Variants in ORC6 observed in about 807,000 individuals in gnomAD.
The protein encoded by ORC6 is origin recognition complex, subunit 6 homolog-like (yeast).
ORC6 carries 31 observed loss-of-function variants against 30.0 expected under a neutral mutation model. The observed-to-expected ratio is 1.03, with a 90% confidence interval of 0.78 to 1.40. The LOEUF is 1.40. Ranked by LOEUF, ORC6 falls within the 40% of genes most tolerant of loss-of-function variation. ORC6 has a pLI of 0.00. For missense variants in ORC6, 340 were observed against 304.3 expected, an observed-to-expected ratio of 1.12 and a Z score of -0.87; for synonymous variants, 136 against 111.2, an observed-to-expected ratio of 1.22 and a Z score of -1.40.
Position 46,695,574 on chromosome 16 carries a change from G to T in ORC6, c.462G>T (p.Leu154=). The T allele has an allele frequency of 6.2e-7, 1 of 1,611,144 alleles. No individual in the cohort carries two copies. ...AATTGTTTTGTAGGATTCTAAAGCT[G>T]AAAGTGGATAAAAACAAAATGGTAG... The part of the protein sequence containing the change: ...ALLSACKILK[L]KVDKNKMVAT... The change falls in exon 5 of 7, where the codon CTG becomes CTT. Residue 154 remains leucine (L), a synonymous_variant. Transcript: ENST00000219097.
chr16:46,689,695 G>A lies in ORC6; in HGVS notation c.-11G>A. The A allele has an allele frequency of 1.9e-6, 3 of 1,598,340 alleles. No homozygotes were observed. The highest frequency in any genetic ancestry group is 2.6e-6 in the Non-Finnish European group (3 of 1,172,294). ...GCGTTCACGGGAATTGTTCGCTTTAGTGCCGGCGCCATGGGGTCGGAGCTG... is the reference window on the plus strand; with the variant it reads ...GCGTTCACGGGAATTGTTCGCTTTAATGCCGGCGCCATGGGGTCGGAGCTG... On this transcript the variant is annotated 5_prime_UTR_variant, in exon 1 of 7. The change creates a new upstream start codon in the 5' untranslated region. Coordinates refer to ENST00000219097, the MANE Select transcript of ORC6 (RefSeq NM_014321.4).
chr16:46,691,832 T>C (rs183219040), intron 2 of ORC6, among the ~76,000 whole-genome samples: 86 of 152,242 alleles, frequency 5.6e-4, no homozygotes, highest in Admixed American at 1.3e-3. Flanking sequence ...CTTGCCTTAT[T>C]GTTACATTGA....
intron 6 of ORC6, among the ~76,000 whole-genome samples, 189 bp from the exon 7 acceptor site, chr16:46,697,268 TG>T (rs1325616285): frequency 6.6e-6 from 1 of 152,188 alleles, no homozygotes; most frequent in Non-Finnish European, 1.5e-5. Flanking sequence ...GAGGATCATT[TG>T]AACCTAGGAA....
In ORC6 at chr16:46,693,189, A is replaced by G; in HGVS notation, c.449+7A>G. 6.3e-7 allele frequency: 1 copy of G among 1,588,054 alleles called. No individual in the cohort carries two copies. On this transcript the variant is annotated splice_region_variant and intron_variant, in intron 4 of 6. Transcript: ENST00000219097. ...CACTGCTTTCAGCATGCAAGTAGGT[A>G]TTTCATTAAACATTCAGAAAAGTTA...
chr16:46,697,710 T>C lies in ORC6; in HGVS notation c.*125T>C. On this transcript the variant is annotated 3_prime_UTR_variant, in exon 7 of 7. Coordinates refer to ENST00000219097, the MANE Select transcript of ORC6 (RefSeq NM_014321.4). ...GGATCCTAAGACTGTTGCCTTTAAA[T>C]AGCAAAGCAGCCTACCTGGAGGCTA... The C allele has an allele frequency of 9.1e-7, 1 of 1,094,676 alleles. No individual in the cohort carries two copies. The highest frequency in any genetic ancestry group is 2.5e-5 in the East Asian group (1 of 39,652). 67.8% of individuals were successfully genotyped at this position (1,094,676 alleles called of 1,614,324 possible). A position where few individuals can be genotyped will look rare whatever the true frequency, so the allele number is the denominator to read the frequency against.
chr16:46,692,047 AGCAC>A (rs1283755454), intron 2 of ORC6, among the ~76,000 whole-genome samples: 1 of 150,074 alleles, frequency 6.7e-6, no homozygotes, highest in East Asian at 2.0e-4. Context: ...ATTACACGTT[AGCAC>A]CTTTGTATAA....
rs1255204720 is a variant in ORC6 at position 46,689,671 on chromosome 16, C to T, written c.-35C>T. The T allele has an allele frequency of 6.3e-7, 1 of 1,583,886 alleles. No homozygotes were observed. The highest frequency in any genetic ancestry group is 1.1e-5 in the South Asian group (1 of 87,360). Reference sequence around the variant, plus strand: ...GCGCGCGGGTTTCGTTGACCCGCGGCGTTCACGGGAATTGTTCGCTTTAGT... The same window carrying T: ...GCGCGCGGGTTTCGTTGACCCGCGGTGTTCACGGGAATTGTTCGCTTTAGT... On this transcript the variant is annotated 5_prime_UTR_variant, in exon 1 of 7. Coordinates refer to ENST00000219097, the MANE Select transcript of ORC6 (RefSeq NM_014321.4).
chr16:46,692,494 T>C lies in ORC6; in HGVS notation c.308T>C (p.Val103Ala). 1 of 1,613,874 alleles carries C rather than the reference T, an allele frequency of 6.2e-7. No homozygotes were observed. The highest frequency in any genetic ancestry group is 8.5e-7 in the Non-Finnish European group (1 of 1,179,728). ...NSNIGIRDLA[V>A]QFSCIEAVNM... ...AATATTGGAATAAGAGACCTAGCTG[T>C]ACAGTTTAGCTGTATAGAAGCAGTG... The change falls in exon 3 of 7, where the codon GTA becomes GCA. Residue 103 changes from valine (V) to alanine (A), a missense_variant. Coordinates refer to ENST00000219097, the MANE Select transcript of ORC6 (RefSeq NM_014321.4).
chr16:46,693,029 T>A (rs1966465833), intron 3 of ORC6, 64 bp from the exon 4 acceptor site: 1 of 1,089,496 alleles, frequency 9.2e-7, no homozygotes. Context: ...TTCTGGTTGA[T>A]ACTTTCAGTC....
chr16:46,690,548 CT>C, intron 1 of ORC6, among the ~76,000 whole-genome samples: 7 of 152,304 alleles, frequency 4.6e-5, no homozygotes, highest in African/African-American at 1.7e-4. Flanking sequence ...AATACAAATT[CT>C]TGGGTCCCAC....
In ORC6 at chr16:46,690,992, A is replaced by G; in HGVS notation, c.67A>G (p.Lys23Glu). 2 of 1,614,212 alleles carry G rather than the reference A, an allele frequency of 1.2e-6. No individual in the cohort carries two copies. The highest frequency in any genetic ancestry group is 1.7e-6 in the Non-Finnish European group (2 of 1,180,026). Residue 23 changes from lysine to glutamate, a missense_variant and splice_region_variant, in exon 2 of 7, where the codon AAA (lysine) becomes GAA (glutamate). Coordinates refer to ENST00000219097, the MANE Select transcript of ORC6 (RefSeq NM_014321.4). ...CGAACACACTGCCCTTTTAACCAGGAAAGCAGAGGAGTACTTGCGCCTGTC... is the reference window on the plus strand; with the variant it reads ...CGAACACACTGCCCTTTTAACCAGGGAAGCAGAGGAGTACTTGCGCCTGTC... ...LGLAEPDMLR[K>E]AEEYLRLSRV... is the part of the protein sequence containing the mutation.
In ORC6 at chr16:46,695,568, A is replaced by G. The variant is rs976135062; in HGVS notation, c.456A>G (p.Leu152=). 6.2e-7 allele frequency: 1 copy of G among 1,606,680 alleles called. No homozygotes were observed. Among genetic ancestry groups the G allele is most frequent in the Admixed American group, 1.7e-5 (1 of 60,032 alleles). Reference sequence around the variant, plus strand: ...TTATGAAATTGTTTTGTAGGATTCTAAAGCTGAAAGTGGATAAAAACAAAA... The same window carrying G: ...TTATGAAATTGTTTTGTAGGATTCTGAAGCTGAAAGTGGATAAAAACAAAA... ...SAALLSACKI[L]KLKVDKNKMV... is the part of the protein sequence containing the mutation. The change falls in exon 5 of 7, where the codon CTA becomes CTG. Residue 152 remains leucine (L), a synonymous_variant. Transcript: ENST00000219097.
chr16:46,697,873 G>A lies in ORC6; in HGVS notation c.*288G>A, dbSNP rs1235622737. 4.2e-6 allele frequency: 2 copies of A among 481,660 alleles called. No individual in the cohort carries two copies. Among genetic ancestry groups the A allele is most frequent in the Non-Finnish European group, 8.2e-6 (2 of 245,282 alleles). The allele number at this position is 481,660 out of a possible 1,614,324, so 29.8% of individuals were successfully genotyped here. A position where few individuals can be genotyped will look rare whatever the true frequency, so the allele number is the denominator to read the frequency against. Reference sequence around the variant, plus strand: ...CTCACGCCTGTAATCCCAGCACTTTGGGAGGCCAAGGTGGGTGGATCACCT... The same window carrying A: ...CTCACGCCTGTAATCCCAGCACTTTAGGAGGCCAAGGTGGGTGGATCACCT... On this transcript the variant is annotated 3_prime_UTR_variant, in exon 7 of 7. Transcript: ENST00000219097.
chr16:46,695,540 A>G, intron 4 of ORC6, 22 bp from the exon 5 acceptor site: 1 of 1,476,534 alleles, frequency 6.8e-7, no homozygotes, highest in Non-Finnish European at 9.5e-7. Context: ...TGAGAAAAGC[A>G]ACTTATGAAA....
At position 46,696,122 on chromosome 16, in the gene ORC6, T is replaced by A. The variant is rs1400366153; in HGVS notation, c.631+37T>A. 3 of 1,458,606 alleles carry A rather than the reference T, an allele frequency of 2.1e-6. No individual in the cohort carries two copies. The Admixed American group carries it at 5.0e-5, about 24-fold the overall frequency. The allele number at this position is 1,458,606 out of a possible 1,614,324, so 90.4% of individuals were successfully genotyped here. A position where few individuals can be genotyped will look rare whatever the true frequency, so the allele number is the denominator to read the frequency against. On this transcript the variant is annotated intron_variant, in intron 6 of 6. Transcript: ENST00000219097. ...TAACACGGTACTGACGTTGACATTTTATGCAGTGAACAGCCCAGTGCTGCT... is the reference window on the plus strand; with the variant it reads ...TAACACGGTACTGACGTTGACATTTAATGCAGTGAACAGCCCAGTGCTGCT...
In ORC6 at chr16:46,698,064, G is replaced by A. The variant is rs533502054; in HGVS notation, c.*479G>A. 1.5e-3 allele frequency: 629 copies of A among 417,798 alleles called. 7 individuals are homozygous for A. Among genetic ancestry groups the A allele is most frequent in the South Asian group, 0.01 (614 of 58,632 alleles). The allele number at this position is 417,798 out of a possible 1,614,324, so 25.9% of individuals were successfully genotyped here. A position where few individuals can be genotyped will look rare whatever the true frequency, so the allele number is the denominator to read the frequency against. Reference sequence around the variant, plus strand: ...TGGGAGGCAGAGGTTGCAGTGAGCCGAGATTGCACCACCGCACTCCAGCCT... The same window carrying A: ...TGGGAGGCAGAGGTTGCAGTGAGCCAAGATTGCACCACCGCACTCCAGCCT... On this transcript the variant is annotated 3_prime_UTR_variant, in exon 7 of 7. Transcript: ENST00000219097.
In ORC6 at chr16:46,698,286, CTGAA is replaced by C. The variant is rs527410220; in HGVS notation, c.*704_*707del. 850 of 454,298 alleles carry C rather than the reference CTGAA, an allele frequency of 1.9e-3. 3 individuals are homozygous for C. The highest frequency in any genetic ancestry group is 0.015 in the African/African-American group (732 of 50,058). The allele number at this position is 454,298 out of a possible 1,614,324, so 28.1% of individuals were successfully genotyped here. ...TCTTATTCAGAATATAAAATTCAGT[CTGAA>C]TGGCATCTTACAGATTTTACTTCAA... On this transcript the variant is annotated 3_prime_UTR_variant, in exon 7 of 7. Transcript: ENST00000219097.
At chr16:46,696,237 GA>G in intron 6 of ORC6, 152 bp downstream of exon 6, 2 of 694,218 alleles carry the variant, frequency 2.9e-6, no homozygotes, top group Non-Finnish European at 2.6e-6. Flanking sequence ...ATCAGTAATG[GA>G]AGTAACATCG....
rs779826723 is a variant in ORC6 at position 46,698,187 on chromosome 16, A to G, written c.*602A>G. 9.1e-5 allele frequency: 37 copies of G among 404,612 alleles called. No individual in the cohort carries two copies. The highest frequency in any genetic ancestry group is 3.8e-4 in the African/African-American group (17 of 44,720). The allele number at this position is 404,612 out of a possible 1,614,324, so 25.1% of individuals were successfully genotyped here. ...TAGATAGATAGATAGATAGATGGAT[A>G]GATAGATAGATAGATAGATAGATAG... On this transcript the variant is annotated 3_prime_UTR_variant, in exon 7 of 7. Coordinates refer to ENST00000219097, the MANE Select transcript of ORC6 (RefSeq NM_014321.4).
Sources: allele counts gnomAD v4.1 joint callset (sites outside exome capture counted in the v4.1 genomes callset), GRCh38; gene constraint gnomAD v4.1.1; transcripts MANE v1.5; gene names NCBI Gene and HGNC (gene_info 2026-07-23, HGNC 2026-07-21).